EFCAB11: variants seen among roughly 807,000 people sequenced by gnomAD.
The protein encoded by EFCAB11 is EF-hand calcium binding domain 11, also known as EF-hand calcium-binding domain-containing protein 11.
In EFCAB11, 14 loss-of-function variants were observed where a neutral mutation model predicts 23.0. The observed-to-expected ratio is 0.61, with a 90% CI of 0.40 to 0.95. The LOEUF is 0.95. EFCAB11 is among the 40% of genes least tolerant of loss of function. EFCAB11 has a pLI of 0.00. For synonymous variants in EFCAB11, 65 were observed against 66.6 expected (o/e 0.98, Z 0.11); for missense variants, 198 against 195.8 (o/e 1.01, Z -0.07).
chr14:89,887,460 T>A (rs1385291490), intron 5 of EFCAB11, among the ~76,000 whole-genome samples: 4 of 152,252 alleles, frequency 2.6e-5, no homozygotes, highest in African/African-American at 9.6e-5. Context: ...TTTGGAATTC[T>A]TTTTAAAAAG....
intron 5 of EFCAB11, among the ~76,000 whole-genome samples, chr14:89,811,406 G>A (rs1450297596): frequency 2.6e-5 from 4 of 152,096 alleles, no homozygotes; most frequent in Admixed American, 1.3e-4. Context: ...ATAACACCCC[G>A]CCCCAAAGGT....
rs773310696 is a variant in EFCAB11, at chr14:89,932,579, G to A, written c.266C>T (p.Ala89Val). 1.9e-6 allele frequency: 3 copies of A among 1,613,698 alleles called. No homozygotes were observed. The highest frequency in any genetic ancestry group is 1.7e-6 in the Non-Finnish European group (2 of 1,179,888). The stretch of plus-strand genomic sequence containing the variant: ...TCTTACTTCGTTCCGATATCGTTGA[G>A]CTTCCTTCTTTTTCCTGACAATATT... ...FLNIVRKKKEAQRYRNEVRHI... is the reference protein window; with the variant it reads ...FLNIVRKKKEVQRYRNEVRHI... The change falls in exon 4 of 6, where the codon GCT becomes GTT. Residue 89 changes from alanine to valine, a missense_variant. Transcript: ENST00000316738.
At chr14:89,923,644 T>C in intron 5 of EFCAB11, 1 of 976,382 alleles carries the variant, frequency 1.0e-6, no homozygotes, top group Non-Finnish European at 1.2e-6. Flanking sequence ...TTTATGGATG[T>C]TTCTATACCT....
At chr14:89,887,843 G>A (rs140280650) in intron 5 of EFCAB11, among the ~76,000 whole-genome samples, 186 of 152,286 alleles carry the variant, frequency 1.2e-3, no homozygotes, top group African/African-American at 4.1e-3. Context: ...ATTTCAGCAC[G>A]TGTTAACACT....
At chr14:89,945,513 C>T (rs1890949339) in intron 3 of EFCAB11, among the ~76,000 whole-genome samples, 1 of 152,120 alleles carries the variant, frequency 6.6e-6, no homozygotes, top group Non-Finnish European at 1.5e-5. Flanking sequence ...TTGTTTGGAA[C>T]TTTTAAACTT....
chr14:89,877,340 C>A (rs962201064), intron 5 of EFCAB11, among the ~76,000 whole-genome samples: 1 of 151,956 alleles, frequency 6.6e-6, no homozygotes, highest in Admixed American at 6.6e-5. Flanking sequence ...ACCCGGCCAA[C>A]CAAAAGTATT....
At chr14:89,943,565 A>G (rs1307592859) in intron 3 of EFCAB11, among the ~76,000 whole-genome samples, 1 of 152,158 alleles carries the variant, frequency 6.6e-6, no homozygotes, top group Non-Finnish European at 1.5e-5. Context: ...TCAAGATCCA[A>G]ACATTAAGAA....
At chr14:89,942,054 C>CT (rs1890814064) in intron 3 of EFCAB11, among the ~76,000 whole-genome samples, 1 of 151,978 alleles carries the variant, frequency 6.6e-6, no homozygotes, top group Admixed American at 6.6e-5. Context: ...CACTCTCTCT[C>CT]TCTCCTGCCA....
At chr14:89,826,532 T>G (rs1458673267) in intron 5 of EFCAB11, among the ~76,000 whole-genome samples, 1 of 151,928 alleles carries the variant, frequency 6.6e-6, no homozygotes, top group Non-Finnish European at 1.5e-5. Context: ...GGTATCTTGG[T>G]CACCCTCTAA....
chr14:89,923,995 A>ATTAG (rs3831037), intron 5 of EFCAB11: 171,147 of 984,958 alleles, frequency 0.17, 23,734 homozygotes, highest in African/African-American at 0.68. Context: ...AGAAGAGCCT[A>ATTAG]TTTGTTTTAC....
chr14:89,856,608 T>A (rs1416051223), intron 5 of EFCAB11, among the ~76,000 whole-genome samples: 9 of 152,226 alleles, frequency 5.9e-5, no homozygotes, highest in African/African-American at 2.2e-4. Flanking sequence ...ATCTTTTAAC[T>A]TTTTGATAAT....
chr14:89,927,716 T>A (rs1170213405), intron 5 of EFCAB11, among the ~76,000 whole-genome samples: 2 of 151,502 alleles, frequency 1.3e-5, no homozygotes, highest in African/African-American at 4.8e-5. Context: ...TCCTTTAATA[T>A]GTGTTATTCT....
intron 5 of EFCAB11, among the ~76,000 whole-genome samples, chr14:89,856,802 T>C (rs887678862): frequency 2.0e-5 from 3 of 152,194 alleles, no homozygotes; most frequent in Non-Finnish European, 4.4e-5. Flanking sequence ...TACTATTGAG[T>C]TGTATGAGTC....
chr14:89,843,971 T>G (rs879739305), intron 5 of EFCAB11, among the ~76,000 whole-genome samples: 1 of 152,236 alleles, frequency 6.6e-6, no homozygotes, highest in African/African-American at 2.4e-5. Flanking sequence ...ATACTGTCAG[T>G]TGTTTTCCTT....
At chr14:89,850,493 C>T (rs1251998766) in intron 5 of EFCAB11, among the ~76,000 whole-genome samples, 20 of 152,176 alleles carry the variant, frequency 1.3e-4, no homozygotes. Context: ...ATTTTAAAGG[C>T]CTTCCAGGTG....
At chr14:89,923,550 G>A (rs529742099) in intron 5 of EFCAB11, 25 of 447,068 alleles carry the variant, frequency 5.6e-5, no homozygotes, top group African/African-American at 4.7e-4. Context: ...CTACTTCTTC[G>A]GTCATGCCAT....
At chr14:89,868,398 G>C (rs1253317461) in intron 5 of EFCAB11, among the ~76,000 whole-genome samples, 1 of 152,150 alleles carries the variant, frequency 6.6e-6, no homozygotes, top group Non-Finnish European at 1.5e-5. Flanking sequence ...AGTTTATAAA[G>C]ATACAAAACA....
At chr14:89,902,471 T>C (rs1290957476) in intron 5 of EFCAB11, among the ~76,000 whole-genome samples, 1 of 152,178 alleles carries the variant, frequency 6.6e-6, no homozygotes, top group Non-Finnish European at 1.5e-5. Context: ...GCATCCAGAA[T>C]GGCCCCTGGT....
intron 3 of EFCAB11, among the ~76,000 whole-genome samples, chr14:89,946,217 G>A (rs1356060205): frequency 6.6e-6 from 1 of 151,960 alleles, no homozygotes; most frequent in Non-Finnish European, 1.5e-5. Flanking sequence ...CCTGGCCAGG[G>A]GCATAAATGT....
Sources: gnomAD v4.1 joint callset for allele counts (sites outside exome capture counted in the v4.1 genomes callset) on GRCh38, gnomAD v4.1.1 for gene constraint, MANE v1.5 for transcripts, NCBI Gene and HGNC (gene_info 2026-07-23, HGNC 2026-07-21) for gene names.